Variants in UNC5D observed in about 807,000 individuals in gnomAD.
UNC5D encodes netrin receptor UNC5D.
A neutral mutation model predicts 105.4 loss-of-function variants in UNC5D; 39 were observed. The observed-to-expected ratio is 0.37, with a 90% CI of 0.29 to 0.48. UNC5D has a LOEUF of 0.48. Among genes scored for constraint, UNC5D ranks in the 20% least tolerant of loss-of-function variants. UNC5D has a pLI of 0.98. For synonymous variants in UNC5D, 452 were observed against 450.4 expected (o/e 1.00, Z -0.04); for missense variants, 991 against 1,202.4 (o/e 0.82, Z 2.60).
intron 1 of UNC5D, among the ~76,000 whole-genome samples, chr8:35,506,232 G>A (rs1443816841): frequency 6.6e-6 from 1 of 152,192 alleles, no homozygotes; most frequent in East Asian, 1.9e-4. Flanking sequence ...CAAGATAGCT[G>A]CGGTAGCTTC....
intron 4 of UNC5D, among the ~76,000 whole-genome samples, chr8:35,677,978 C>CTG (rs893961614): frequency 3.3e-5 from 5 of 150,520 alleles, no homozygotes; most frequent in African/African-American, 4.9e-5. Context: ...GTGTATGTGT[C>CTG]TGTGTGTGTG....
At chr8:35,523,451 A>G (rs976646535) in intron 1 of UNC5D, among the ~76,000 whole-genome samples, 7 of 152,090 alleles carry the variant, frequency 4.6e-5, no homozygotes, top group Non-Finnish European at 1.0e-4. Context: ...ATACCCTGGT[A>G]TAAGTAGATA....
chr8:35,619,677 T>C (rs1001547672), intron 4 of UNC5D, among the ~76,000 whole-genome samples: 1 of 152,222 alleles, frequency 6.6e-6, no homozygotes, highest in Non-Finnish European at 1.5e-5. Context: ...CTTTGCATCA[T>C]TGTTGGAACT....
At chr8:35,614,520 A>G (rs1305340388) in intron 4 of UNC5D, among the ~76,000 whole-genome samples, 1 of 152,082 alleles carries the variant, frequency 6.6e-6, no homozygotes. Flanking sequence ...GCAGAAAGCC[A>G]TATTTGGTTA....
chr8:35,401,709 G>A lies in UNC5D; in HGVS notation c.104-147583G>A, dbSNP rs144680110. Among the ~76,000 whole-genome samples, 229 of 152,182 alleles carry A rather than the reference G, an allele frequency of 1.5e-3. 1 individual carries two copies. The highest frequency in any genetic ancestry group is 1.7e-3 in the Non-Finnish European group (117 of 68,004). On this transcript the variant is annotated intron_variant, in intron 1 of 16. Transcript: ENST00000404895. ...AGACACCAGGCTAGAATAAAGAGAC[G>A]TCTTACTAAATCCCTGTGCACCAGG...
intron 1 of UNC5D, among the ~76,000 whole-genome samples, chr8:35,389,740 A>T (rs1240649733): frequency 0.014 from 16 of 1,126 alleles, no homozygotes; most frequent in South Asian, 0.33. Context: ...GGCTGATTTA[A>T]AAAAAAAAAA....
chr8:35,450,912 A>C (rs1164424087), intron 1 of UNC5D, among the ~76,000 whole-genome samples: 1 of 152,194 alleles, frequency 6.6e-6, no homozygotes, highest in Non-Finnish European at 1.5e-5. Flanking sequence ...AGCACCTTTA[A>C]AGTAGACTAG....
chr8:35,506,835 A>T (rs1348597347), intron 1 of UNC5D, among the ~76,000 whole-genome samples: 6 of 152,172 alleles, frequency 3.9e-5, no homozygotes, highest in Non-Finnish European at 8.8e-5. Flanking sequence ...TGTGAATCTC[A>T]AGTGGGACAG....
Position 35,790,703 on chromosome 8 carries a change from C to T in UNC5D, c.*140C>T. On this transcript the variant is annotated 3_prime_UTR_variant, in exon 17 of 17. Transcript: ENST00000404895. ...CAGTGAGATTCCCCTGTTGAAGAAA[C>T]TAAATTTTATATAGGTAAAACATGT... 2 of 886,790 alleles carry T rather than the reference C, an allele frequency of 2.3e-6. No homozygotes were observed. The highest frequency in any genetic ancestry group is 3.4e-6 in the Non-Finnish European group (2 of 580,374). The allele number at this position is 886,790 out of a possible 1,614,324, so 54.9% of individuals were successfully genotyped here.
rs1563268059 is a variant in UNC5D at position 35,271,689 on chromosome 8, AT to A, written c.103+35803del. Among the ~76,000 whole-genome samples, 13 of 8,908 alleles carry A rather than the reference AT, an allele frequency of 1.5e-3. No homozygotes were observed. In the Admixed American group the frequency reaches 0.023, roughly 16 times the overall value. 5.8% of individuals were successfully genotyped at this position (8,908 alleles called of 152,430 possible). A position where few individuals can be genotyped will look rare whatever the true frequency, so the allele number is the denominator to read the frequency against. On this transcript the variant is annotated intron_variant, in intron 1 of 16. Coordinates refer to ENST00000404895, the MANE Select transcript of UNC5D (RefSeq NM_080872.4). ...TACAGGTATACATATATATGTATACATGTATACATGTATACATATATATTTA... is the reference window on the plus strand; with the variant it reads ...TACAGGTATACATATATATGTATACAGTATACATGTATACATATATATTTA...
chr8:35,648,753 G>A (rs1433093328), intron 4 of UNC5D, among the ~76,000 whole-genome samples: 5 of 151,692 alleles, frequency 3.3e-5, no homozygotes, highest in East Asian at 1.9e-4. Flanking sequence ...GATAGTTTGC[G>A]AGGAACAAAA....
At chr8:35,514,521 G>A (rs143440538) in intron 1 of UNC5D, among the ~76,000 whole-genome samples, 144 of 152,288 alleles carry the variant, frequency 9.5e-4, no homozygotes, top group South Asian at 3.3e-3. Flanking sequence ...AGATAATCTC[G>A]CAGTTGCTAG....
At chr8:35,526,645 T>G (rs991166818) in intron 1 of UNC5D, among the ~76,000 whole-genome samples, 1 of 152,176 alleles carries the variant, frequency 6.6e-6, no homozygotes, top group Non-Finnish European at 1.5e-5. Flanking sequence ...CTTTAAATAT[T>G]GAGAGATAAA....
At chr8:35,770,162 G>T (rs1490962407) in intron 15 of UNC5D, among the ~76,000 whole-genome samples, 1 of 152,004 alleles carries the variant, frequency 6.6e-6, no homozygotes, top group Admixed American at 6.6e-5. Flanking sequence ...TGTCCCCTAG[G>T]CAGGAAAAGA....
chr8:35,672,368 C>A (rs949245689), intron 4 of UNC5D, among the ~76,000 whole-genome samples: 3 of 152,108 alleles, frequency 2.0e-5, no homozygotes, highest in African/African-American at 7.2e-5. Flanking sequence ...CCTTTAAAAG[C>A]CAGCTCCTTA....
chr8:35,406,623 A>G (rs1394761411), intron 1 of UNC5D, among the ~76,000 whole-genome samples: 1 of 152,150 alleles, frequency 6.6e-6, no homozygotes, highest in Non-Finnish European at 1.5e-5. Context: ...GACTGAGTGA[A>G]GTGTGGGAAG....
At chr8:35,684,445 G>A in intron 5 of UNC5D, 137 bp from the exon 6 acceptor site, 2 of 948,198 alleles carry the variant, frequency 2.1e-6, no homozygotes, top group Non-Finnish European at 3.0e-6. Flanking sequence ...TCATAATGGA[G>A]CAGCCAGTGG....
intron 3 of UNC5D, among the ~76,000 whole-genome samples, chr8:35,585,699 T>C (rs1489878914): frequency 6.6e-6 from 1 of 151,956 alleles, no homozygotes; most frequent in Admixed American, 6.6e-5. Flanking sequence ...TTGAAGGATA[T>C]GATCTTTGTT....
intron 1 of UNC5D, among the ~76,000 whole-genome samples, chr8:35,479,003 A>T (rs1810300842): frequency 1.3e-5 from 2 of 152,204 alleles, no homozygotes; most frequent in Admixed American, 6.5e-5. Context: ...AAAGACTTAG[A>T]GAAATTTTGT....
Sources: gnomAD v4.1 joint callset for allele counts (sites outside exome capture counted in the v4.1 genomes callset) on GRCh38, gnomAD v4.1.1 for gene constraint, MANE v1.5 for transcripts, NCBI Gene and HGNC (gene_info 2026-07-23, HGNC 2026-07-21) for gene names.